Variants in WDR70 observed in about 807,000 individuals in gnomAD.
WDR70 encodes WD repeat domain 70.
In WDR70, 53 loss-of-function variants were observed where a neutral mutation model predicts 88.6. The observed-to-expected ratio is 0.60, with a 90% CI of 0.48 to 0.75. The LOEUF (loss-of-function observed/expected upper bound fraction) is 0.75, where lower values mean the gene tolerates loss of function less well. WDR70 is among the 30% of genes least tolerant of loss of function. WDR70 has a pLI of 0.00. For missense variants in WDR70, 610 were observed against 823.2 expected (o/e 0.74, Z 3.17); for synonymous variants, 280 against 270.0 (o/e 1.04, Z -0.36).
intron 8 of WDR70, among the ~76,000 whole-genome samples, chr5:37,488,415 T>C (rs1039307473): frequency 6.6e-6 from 1 of 151,900 alleles, no homozygotes; most frequent in Non-Finnish European, 1.5e-5. Flanking sequence ...TCTCTTCACC[T>C]CCTGGAACAC....
At chr5:37,424,963 G>C (rs913601438) in intron 5 of WDR70, among the ~76,000 whole-genome samples, 1 of 152,182 alleles carries the variant, frequency 6.6e-6, no homozygotes, top group Non-Finnish European at 1.5e-5. Flanking sequence ...GATAATAAAG[G>C]CTGGGTGCGG....
intron 13 of WDR70, among the ~76,000 whole-genome samples, chr5:37,703,632 T>TAC (rs1403946647): frequency 2.6e-5 from 4 of 152,244 alleles, no homozygotes; most frequent in Non-Finnish European, 5.9e-5. Flanking sequence ...TAGTTTTCTT[T>TAC]ACAGATTTAT....
At chr5:37,707,442 C>T (rs1448840236) in intron 13 of WDR70, among the ~76,000 whole-genome samples, 2 of 152,038 alleles carry the variant, frequency 1.3e-5, no homozygotes, top group Non-Finnish European at 1.5e-5. Context: ...TGGTGAGAGA[C>T]CTCTAGTTTT....
intron 10 of WDR70, among the ~76,000 whole-genome samples, chr5:37,657,108 C>A (rs539896825): frequency 2.0e-4 from 31 of 152,306 alleles, no homozygotes; most frequent in African/African-American, 7.2e-4. Flanking sequence ...GTGCTTGAAA[C>A]TTAGGGCCCT....
intron 13 of WDR70, among the ~76,000 whole-genome samples, chr5:37,716,849 G>C (rs1487765074): frequency 1.3e-5 from 2 of 151,974 alleles, no homozygotes; most frequent in Admixed American, 6.6e-5. Context: ...GGAAATTTTT[G>C]TGGTCTTTTC....
At chr5:37,622,763 G>A (rs1561926570) in intron 10 of WDR70, among the ~76,000 whole-genome samples, 1 of 152,026 alleles carries the variant, frequency 6.6e-6, no homozygotes, top group Non-Finnish European at 1.5e-5. Flanking sequence ...AGCGGGGAGG[G>A]ATAGCATTAG....
At chr5:37,599,908 A>G (rs1342092206) in intron 9 of WDR70, among the ~76,000 whole-genome samples, 2 of 152,064 alleles carry the variant, frequency 1.3e-5, no homozygotes, top group African/African-American at 4.8e-5. Context: ...AGAAAAAAAA[A>G]AAAGGTGTAT....
intron 10 of WDR70, among the ~76,000 whole-genome samples, chr5:37,638,212 T>C (rs1473104821): frequency 6.6e-6 from 1 of 152,230 alleles, no homozygotes; most frequent in African/African-American, 2.4e-5. Context: ...TATTATTCCA[T>C]TAAAATGAAT....
chr5:37,597,505 C>T (rs1025541447), intron 9 of WDR70, among the ~76,000 whole-genome samples: 1 of 152,126 alleles, frequency 6.6e-6, no homozygotes, highest in Non-Finnish European at 1.5e-5. Flanking sequence ...GATGAAATGT[C>T]TGTAAAAATC....
At chr5:37,589,241 TACACACATAC>T (rs1228845339) in intron 9 of WDR70, among the ~76,000 whole-genome samples, 8 of 70,600 alleles carry the variant, frequency 1.1e-4, no homozygotes, top group African/African-American at 4.1e-4. Context: ...CATATATACC[TACACACATAC>T]ACACACACAC....
intron 13 of WDR70, among the ~76,000 whole-genome samples, chr5:37,719,574 C>T (rs1466150958): frequency 1.3e-5 from 2 of 152,154 alleles, no homozygotes; most frequent in East Asian, 3.9e-4. Context: ...GGGGAAAACA[C>T]AGCCATTCTG....
intron 9 of WDR70, among the ~76,000 whole-genome samples, chr5:37,521,703 TAC>T (rs59206188): frequency 0.36 from 51,765 of 145,028 alleles, 9,568 homozygotes; most frequent in Non-Finnish European, 0.43. Flanking sequence ...AGTCCAAGTA[TAC>T]ACACACACAC....
chr5:37,541,928 G>C (rs893283504), intron 9 of WDR70, among the ~76,000 whole-genome samples: 4 of 152,216 alleles, frequency 2.6e-5, no homozygotes, highest in African/African-American at 7.2e-5. Context: ...ACTGGCAATG[G>C]CAACACATAG....
chr5:37,645,311 GT>G (rs1025521754), intron 10 of WDR70, among the ~76,000 whole-genome samples: 1 of 151,324 alleles, frequency 6.6e-6, no homozygotes, highest in African/African-American at 2.4e-5. Flanking sequence ...AATTCCCCTT[GT>G]TGTTGATTTC....
chr5:37,741,236 CTTTTT>C (rs5867363), intron 17 of WDR70, among the ~76,000 whole-genome samples: 66 of 138,412 alleles, frequency 4.8e-4, no homozygotes, highest in South Asian at 1.4e-3. Flanking sequence ...GAGCCTAGTT[CTTTTT>C]TTTTTTTTTT....
chr5:37,559,256 C>T (rs1422611858), intron 9 of WDR70, among the ~76,000 whole-genome samples: 2 of 152,128 alleles, frequency 1.3e-5, no homozygotes, highest in Non-Finnish European at 2.9e-5. Flanking sequence ...TTATGCTACA[C>T]TATCCTCATC....
intron 10 of WDR70, among the ~76,000 whole-genome samples, chr5:37,637,859 T>C (rs1472105520): frequency 2.6e-5 from 4 of 152,220 alleles, no homozygotes; most frequent in African/African-American, 7.2e-5. Flanking sequence ...ATCAATTCCA[T>C]GTACTCTGGG....
chr5:37,570,516 T>A (rs929033053), intron 9 of WDR70, among the ~76,000 whole-genome samples: 6 of 151,972 alleles, frequency 3.9e-5, no homozygotes, highest in Admixed American at 2.0e-4. Flanking sequence ...GGCAGGGAGC[T>A]TTTCACTTTT....
intron 7 of WDR70, among the ~76,000 whole-genome samples, chr5:37,467,052 A>G (rs1739172524): frequency 6.6e-6 from 1 of 151,948 alleles, no homozygotes; most frequent in Non-Finnish European, 1.5e-5. Flanking sequence ...CCTGGGCAGC[A>G]TGGCAAAACC....
Sources: gnomAD v4.1 joint callset for allele counts (sites outside exome capture counted in the v4.1 genomes callset) on GRCh38, gnomAD v4.1.1 for gene constraint, MANE v1.5 for transcripts, NCBI Gene and HGNC (gene_info 2026-07-23, HGNC 2026-07-21) for gene names.